The following TEKT3 variants were observed in gnomAD, a reference collection of about 807,000 sequenced individuals.
TEKT3 encodes the protein tektin-3.
Under a neutral mutation model 49.8 loss-of-function variants are expected in TEKT3, and 49 were observed. That is an observed-to-expected ratio of 0.98 (90% confidence interval 0.78 to 1.25). TEKT3 has a LOEUF of 1.25. TEKT3 is among the 50% of genes most tolerant of loss of function. The pLI is 0.00. For synonymous variants in TEKT3, 225 were observed against 237.2 expected, an observed-to-expected ratio of 0.95 and a Z score of 0.47; for missense variants, 595 against 629.5, an observed-to-expected ratio of 0.95 and a Z score of 0.59.
At chr17:15,307,752 C>T (rs1292123886) in intron 8 of TEKT3, among the ~76,000 whole-genome samples, 1 of 152,186 alleles carries the variant, frequency 6.6e-6, no homozygotes, top group African/African-American at 2.4e-5. Flanking sequence ...AGTTCACGCA[C>T]TGCCCTTGGC....
At chr17:15,330,777 G>C (rs1449344242) in intron 3 of TEKT3, among the ~76,000 whole-genome samples, 1 of 151,998 alleles carries the variant, frequency 6.6e-6, no homozygotes, top group Non-Finnish European at 1.5e-5. Context: ...GGTCTTCTTT[G>C]CTTTGCATTC....
intron 4 of TEKT3, among the ~76,000 whole-genome samples, chr17:15,319,802 C>CAACATTTAT (rs1187476079): frequency 6.6e-6 from 1 of 152,180 alleles, no homozygotes; most frequent in Admixed American, 6.5e-5. Flanking sequence ...ACTATTAAAT[C>CAACATTTAT]AACATTTATT....
chr17:15,320,538 C>A (rs183482861), intron 4 of TEKT3, among the ~76,000 whole-genome samples: 292 of 152,246 alleles, frequency 1.9e-3, no homozygotes, highest in Non-Finnish European at 3.5e-3. Context: ...TTCACCACTC[C>A]AATATGAAGT....
chr17:15,319,650 C>T (rs1478158402), intron 4 of TEKT3, among the ~76,000 whole-genome samples: 1 of 152,276 alleles, frequency 6.6e-6, no homozygotes, highest in Non-Finnish European at 1.5e-5. Flanking sequence ...CCTGGGAGGT[C>T]GCCCTCCGGT....
rs115938289 is a variant in TEKT3 at position 15,332,982 on chromosome 17, A to G, written c.-29-1368T>C. ...TATATACAAAGCTTTTTAATACAAAAACTGAATTATCCTAATCATTTGATA... is the reference window on the plus strand; with the variant it reads ...TATATACAAAGCTTTTTAATACAAAGACTGAATTATCCTAATCATTTGATA... On this transcript the variant is annotated intron_variant, in intron 2 of 8. Transcript: ENST00000395930. Among the ~76,000 whole-genome samples the G allele has an allele frequency of 5.0e-3, 759 of 152,046 alleles. 6 individuals are homozygous for G. Among genetic ancestry groups the G allele is most frequent in the African/African-American group, 0.018 (732 of 41,456 alleles).
intron 5 of TEKT3, among the ~76,000 whole-genome samples, chr17:15,316,512 AC>A (rs1373163345): frequency 1.3e-5 from 2 of 152,196 alleles, no homozygotes; most frequent in African/African-American, 4.8e-5. Flanking sequence ...CTTAGTGGTT[AC>A]AATGTGCGGT....
chr17:15,303,815 G>A lies in TEKT3; in HGVS notation c.*121C>T, dbSNP rs538194402. Reference sequence around the variant, plus strand: ...AAAGGCTTTCCGAGACAGGAGGTTGGTACATTTCCATCAGCATAATCCTTT... The same window carrying A: ...AAAGGCTTTCCGAGACAGGAGGTTGATACATTTCCATCAGCATAATCCTTT... On this transcript the variant is annotated 3_prime_UTR_variant, in exon 9 of 9. Transcript: ENST00000395930. The A allele has an allele frequency of 2.1e-6, 2 of 940,946 alleles. No individual in the cohort carries two copies. Among genetic ancestry groups the A allele is most frequent in the East Asian group, 2.6e-5 (1 of 38,338 alleles). The allele number at this position is 940,946 out of a possible 1,614,324, so 58.3% of individuals were successfully genotyped here. A position where few individuals can be genotyped will look rare whatever the true frequency, so the allele number is the denominator to read the frequency against.
At chr17:15,319,174 A>C (rs1356216374) in intron 4 of TEKT3, 27 bp from the exon 5 acceptor site, 1 of 1,545,360 alleles carries the variant, frequency 6.5e-7, no homozygotes, top group Non-Finnish European at 8.8e-7. Context: ...AAAACATATT[A>C]ATGTTTTCAT....
intron 3 of TEKT3, among the ~76,000 whole-genome samples, chr17:15,329,653 G>A (rs1055634644): frequency 2.0e-5 from 3 of 152,168 alleles, no homozygotes; most frequent in Non-Finnish European, 4.4e-5. Flanking sequence ...CAGGATTCCT[G>A]GGGATTGTGT....
chr17:15,335,043 T>A (rs1032021017), intron 2 of TEKT3, among the ~76,000 whole-genome samples: 14 of 152,238 alleles, frequency 9.2e-5, no homozygotes, highest in Middle Eastern at 6.8e-3. Context: ...TAGGCTCTGA[T>A]CCTTGAGAGA....
chr17:15,306,251 T>A (rs9893158), intron 8 of TEKT3, among the ~76,000 whole-genome samples: 7,385 of 152,112 alleles, frequency 0.049, 585 homozygotes, highest in African/African-American at 0.16. Context: ...CATTTTTAAA[T>A]AAAAGTAAGT....
chr17:15,338,557 G>T (rs1218896415), intron 2 of TEKT3: 1 of 149,048 alleles, frequency 6.7e-6, no homozygotes, highest in African/African-American at 2.5e-5. Flanking sequence ...AGGCTGGAGT[G>T]CAGTGGCGCC....
In TEKT3 at chr17:15,312,404, G is replaced by A. The variant is rs572376594; in HGVS notation, c.956C>T (p.Ala319Val). The change falls in exon 7 of 9, where the codon GCT becomes GTT. Residue 319 changes from alanine (A) to valine (V), a missense_variant. Ala to Val is a moderately conservative substitution (Grantham distance 64). Coordinates refer to ENST00000395930, the MANE Select transcript of TEKT3 (RefSeq NM_031898.3). ...LRSQSERAAS[A>V]KLRDDIENLL... Reference sequence around the variant, plus strand: ...GTTTTCAATGTCGTCTCTTAGCTTAGCGGAAGCTGCCCGTTCACTCTGGGA... The same window carrying A: ...GTTTTCAATGTCGTCTCTTAGCTTAACGGAAGCTGCCCGTTCACTCTGGGA... The A allele has an allele frequency of 4.3e-6, 7 of 1,614,072 alleles. No individual in the cohort carries two copies. The highest frequency in any genetic ancestry group is 3.3e-5 in the Admixed American group (2 of 60,002).
In TEKT3 at chr17:15,306,587, C is replaced by T. The variant is rs868051030; in HGVS notation, c.1256+2077G>A. On this transcript the variant is annotated intron_variant, in intron 8 of 8. Coordinates refer to ENST00000395930, the MANE Select transcript of TEKT3 (RefSeq NM_031898.3). ...AAAAAAAAAAAGAGTAAAAATCATT[C>T]AGCTCCTCAGGAGAAGCTGTGAATG... is the stretch of plus-strand genomic sequence containing the variant. 9.2e-5 allele frequency among the ~76,000 whole-genome samples: 14 copies of T among 151,470 alleles called. No homozygotes were observed. In the South Asian group the frequency reaches 2.3e-3, roughly 25 times the overall value.
intron 4 of TEKT3, among the ~76,000 whole-genome samples, chr17:15,321,111 G>A (rs545792051): frequency 2.6e-5 from 4 of 151,306 alleles, no homozygotes; most frequent in East Asian, 2.0e-4. Flanking sequence ...CCGGGTTCAC[G>A]CCATTCTCCT....
Position 15,328,086 on chromosome 17 carries a change from A to G in TEKT3, c.580-11T>C, listed in dbSNP as rs1337819512. 6.2e-7 allele frequency: 1 copy of G among 1,610,010 alleles called. No individual in the cohort carries two copies. Among genetic ancestry groups the G allele is most frequent in the Non-Finnish European group, 8.5e-7 (1 of 1,176,596 alleles). On this transcript the variant is annotated splice_polypyrimidine_tract_variant and intron_variant, in intron 3 of 8. Transcript: ENST00000395930. ...ACATTCTCGGGCTACCTACAGATAC[A>G]CAGATAATGGAAAGCACTAATAAAA... is the stretch of plus-strand genomic sequence containing the variant.
chr17:15,328,658 A>G (rs1403058686), intron 3 of TEKT3, among the ~76,000 whole-genome samples: 3 of 152,194 alleles, frequency 2.0e-5, no homozygotes, highest in African/African-American at 7.2e-5. Context: ...TCGTCTTAAC[A>G]AGATAGAGGT....
chr17:15,315,343 T>C (rs945388354), intron 5 of TEKT3, among the ~76,000 whole-genome samples: 16 of 152,136 alleles, frequency 1.1e-4, no homozygotes, highest in Non-Finnish European at 2.4e-4. Context: ...TGAATCAGGT[T>C]TTCCTTCGAG....
chr17:15,312,304 A>G lies in TEKT3; in HGVS notation c.1056T>C (p.Ala352=). The G allele has an allele frequency of 6.2e-7, 1 of 1,614,248 alleles. No individual in the cohort carries two copies. The highest frequency in any genetic ancestry group is 8.5e-7 in the Non-Finnish European group (1 of 1,180,052). ...KVNLSFTNRI[A]ETADAKNKIQ... The stretch of plus-strand genomic sequence containing the variant: ...TCTTATTCTTAGCATCTGCAGTCTC[A>G]GCAATGCGATTGGTGAAAGACAAGT... Residue 352 remains alanine, a synonymous_variant, in exon 7 of 9, where the codon GCT becomes GCC. Transcript: ENST00000395930.
Sources: gnomAD v4.1 joint callset for allele counts (sites outside exome capture counted in the v4.1 genomes callset) on GRCh38, gnomAD v4.1.1 for gene constraint, MANE v1.5 for transcripts, NCBI Gene and HGNC (gene_info 2026-07-23, HGNC 2026-07-21) for gene names.